The following PYROXD2 variants were observed in gnomAD, a reference collection of about 807,000 sequenced individuals.
PYROXD2 encodes the protein pyridine nucleotide-disulfide oxidoreductase domain-containing protein 2.
Under a neutral mutation model 71.1 loss-of-function variants are expected in PYROXD2, and 69 were observed. The ratio of observed to expected loss-of-function variants is 0.97; its 90% CI spans 0.80 to 1.19. PYROXD2 has a LOEUF of 1.19. Among genes scored for constraint, PYROXD2 ranks in the 50% most tolerant of loss-of-function variants. PYROXD2 has a pLI of 0.00. For synonymous variants in PYROXD2, 287 were observed against 302.7 expected, an observed-to-expected ratio of 0.95 and a Z score of 0.54; for missense variants, 745 against 748.9, an observed-to-expected ratio of 0.99 and a Z score of 0.06.
chr10:98,392,264 AG>A (rs1842968798), intron 10 of PYROXD2, among the ~76,000 whole-genome samples, 167 bp downstream of exon 10: 1 of 152,062 alleles, frequency 6.6e-6, no homozygotes, highest in African/African-American at 2.4e-5. Flanking sequence ...CCCACCTGTG[AG>A]GCTTCTTCCC....
At chr10:98,397,571 C>G (rs1590954818) in intron 5 of PYROXD2, 73 bp from the exon 6 acceptor site, 1 of 1,452,126 alleles carries the variant, frequency 6.9e-7, no homozygotes, top group East Asian at 2.6e-5. Context: ...GATGGCCTGT[C>G]ACCCCCCCAC....
chr10:98,411,103 T>TG, intron 1 of PYROXD2, 145 bp from the exon 2 acceptor site: 1 of 1,137,180 alleles, frequency 8.8e-7, no homozygotes, highest in Non-Finnish European at 1.3e-6. Context: ...CGCACTCAGA[T>TG]GTTGGAACAG....
rs188027077 is a variant in PYROXD2 at position 98,412,392 on chromosome 10, T to G, written c.128-1434A>C. 2.1e-3 allele frequency among the ~76,000 whole-genome samples: 325 copies of G among 152,142 alleles called. 1 individual carries two copies. The highest frequency in any genetic ancestry group is 7.5e-3 in the African/African-American group (311 of 41,562). On this transcript the variant is annotated intron_variant, in intron 1 of 15. Transcript: ENST00000370575. ...CCCCAGACCTGCCTCAGGGGCCCCA[T>G]AGCAGGCGCCTGGGCCCTTGAGGAG... is the stretch of plus-strand genomic sequence containing the variant.
intron 11 of PYROXD2, 122 bp downstream of exon 11, chr10:98,390,888 G>C (rs1842925224): frequency 7.4e-7 from 1 of 1,352,792 alleles, no homozygotes; most frequent in Non-Finnish European, 1.0e-6. Context: ...CCAGGCTGCA[G>C]GGGGACACAG....
rs1367258239 is a variant in PYROXD2 at position 98,395,455 on chromosome 10, A to T, written c.626-3T>A. On this transcript the variant is annotated splice_region_variant and splice_polypyrimidine_tract_variant and intron_variant, in intron 6 of 15. Coordinates refer to ENST00000370575, the MANE Select transcript of PYROXD2 (RefSeq NM_032709.3). ...AAGCTGGGCTCCCAGGATGCGGCCT[A>T]CAAGAGAAGATCCACAAAACAGAAG... The T allele has an allele frequency of 1.9e-6, 3 of 1,613,874 alleles. No homozygotes were observed. Among genetic ancestry groups the T allele is most frequent in the South Asian group, 1.1e-5 (1 of 91,064 alleles).
intron 2 of PYROXD2, among the ~76,000 whole-genome samples, chr10:98,408,386 C>A (rs1359516769): frequency 1.3e-5 from 2 of 152,234 alleles, no homozygotes; most frequent in Non-Finnish European, 2.9e-5. Flanking sequence ...TGAGGTGGAA[C>A]TTGTGAATGC....
chr10:98,398,072 G>A (rs112129116), intron 5 of PYROXD2, among the ~76,000 whole-genome samples: 2,619 of 151,960 alleles, frequency 0.017, 85 homozygotes, highest in African/African-American at 0.06. Flanking sequence ...TAGTAGAGAC[G>A]GAGTTTCACC....
chr10:98,401,273 A>AAC lies in PYROXD2; in HGVS notation c.316-1017_316-1016insGT, dbSNP rs1554879095. Among the ~76,000 whole-genome samples, 29 of 121,686 alleles carry AAC rather than the reference A, an allele frequency of 2.4e-4. 1 individual carries two copies. Among genetic ancestry groups the AAC allele is most frequent in the Admixed American group, 5.9e-4 (7 of 11,900 alleles). 79.8% of individuals were successfully genotyped at this position (121,686 alleles called of 152,430 possible). A position where few individuals can be genotyped will look rare whatever the true frequency, so the allele number is the denominator to read the frequency against. ...TGTCTCAAAAAAAAAAAAACAAAAA[A>AAC]AAACAAACATAGAAAAGGTACATTA... On this transcript the variant is annotated intron_variant, in intron 4 of 15. Transcript: ENST00000370575.
intron 4 of PYROXD2, 143 bp downstream of exon 4, chr10:98,407,439 G>T: frequency 1.1e-6 from 1 of 934,136 alleles, no homozygotes. Flanking sequence ...GGGAGACCAC[G>T]TGGGATACAC....
intron 4 of PYROXD2, among the ~76,000 whole-genome samples, chr10:98,407,148 AACC>A (rs1843624147): frequency 6.6e-6 from 1 of 152,050 alleles, no homozygotes; most frequent in Non-Finnish European, 1.5e-5. Flanking sequence ...GACTCCCAGG[AACC>A]TTCCAAAAAG....
At chr10:98,398,165 G>A (rs1028131489) in intron 5 of PYROXD2, among the ~76,000 whole-genome samples, 5 of 152,178 alleles carry the variant, frequency 3.3e-5, no homozygotes, top group African/African-American at 9.7e-5. Context: ...TTACAGGCGT[G>A]AGCCGCCACG....
At chr10:98,414,954 A>G in intron 1 of PYROXD2, 55 bp downstream of exon 1, 4 of 1,582,478 alleles carry the variant, frequency 2.5e-6, no homozygotes, top group Non-Finnish European at 3.4e-6. Flanking sequence ...CCAAGCTCTG[A>G]GCAGGGCTGT....
chr10:98,395,477 G>C (rs2135964440), intron 6 of PYROXD2, 25 bp from the exon 7 acceptor site: 2 of 1,611,026 alleles, frequency 1.2e-6, no homozygotes, highest in Admixed American at 1.7e-5. Context: ...CCACAAAACA[G>C]AAGTTGAAAC....
chr10:98,400,318 T>C, intron 4 of PYROXD2, 61 bp from the exon 5 acceptor site: 2 of 1,498,648 alleles, frequency 1.3e-6, no homozygotes, highest in Non-Finnish European at 1.8e-6. Flanking sequence ...GCCCATCATC[T>C]TTCTCCGATT....
At chr10:98,390,456 T>G (rs1842908257) in intron 12 of PYROXD2, 142 bp downstream of exon 12, 2 of 973,460 alleles carry the variant, frequency 2.1e-6, no homozygotes, top group East Asian at 2.7e-5. Context: ...TTCCTGTCCT[T>G]AGGAGTATGG....
At chr10:98,406,082 A>C (rs976578105) in intron 4 of PYROXD2, among the ~76,000 whole-genome samples, 2 of 152,206 alleles carry the variant, frequency 1.3e-5, no homozygotes, top group Non-Finnish European at 2.9e-5. Context: ...TGTTAAAACA[A>C]GGTGCTCCAG....
chr10:98,400,688 T>C (rs564990473), intron 4 of PYROXD2, among the ~76,000 whole-genome samples: 5 of 152,332 alleles, frequency 3.3e-5, no homozygotes, highest in East Asian at 1.9e-4. Context: ...ACTCATTCCA[T>C]GCCAGGGACT....
intron 4 of PYROXD2, among the ~76,000 whole-genome samples, chr10:98,407,351 G>A (rs1843632337): frequency 1.3e-5 from 2 of 152,210 alleles, no homozygotes; most frequent in Non-Finnish European, 2.9e-5. Flanking sequence ...TTCAAAAGAA[G>A]TCTGATTTTT....
intron 5 of PYROXD2, 133 bp downstream of exon 5, chr10:98,399,969 A>G: frequency 9.3e-7 from 1 of 1,072,272 alleles, no homozygotes; most frequent in Non-Finnish European, 1.3e-6. Context: ...CACCAACTGG[A>G]GCCCTCCTAG....
Sources: allele counts gnomAD v4.1 joint callset (sites outside exome capture counted in the v4.1 genomes callset), GRCh38; gene constraint gnomAD v4.1.1; transcripts MANE v1.5; gene names NCBI Gene and HGNC (gene_info 2026-07-23, HGNC 2026-07-21).